The following EYA3 variants were observed in gnomAD, a reference collection of about 807,000 sequenced individuals.
EYA3 encodes EYA transcriptional coactivator and phosphatase 3.
Under a neutral mutation model 80.0 loss-of-function variants are expected in EYA3, and 39 were observed. The observed-to-expected ratio is 0.49, with a 90% CI of 0.38 to 0.64. The LOEUF (loss-of-function observed/expected upper bound fraction) is 0.64. Among genes scored for constraint, EYA3 ranks in the 30% least tolerant of loss-of-function variants. The pLI is 0.00. For synonymous variants in EYA3, 206 were observed against 232.8 expected, an observed-to-expected ratio of 0.88 and a Z score of 1.05; for missense variants, 523 against 676.1, an observed-to-expected ratio of 0.77 and a Z score of 2.51.
chr1:28,060,621 G>A (rs1571922199), intron 1 of EYA3, among the ~76,000 whole-genome samples: 1 of 152,152 alleles, frequency 6.6e-6, no homozygotes, highest in African/African-American at 2.4e-5. Context: ...TCTATTCTGT[G>A]AAAATAAGCA....
Position 27,997,344 on chromosome 1 carries a change from G to T in EYA3, c.1118C>A (p.Ser373Tyr). Residue 373 changes from serine to tyrosine, a missense_variant, in exon 13 of 18, where the codon TCT becomes TAT. Coordinates refer to ENST00000373871, the MANE Select transcript of EYA3 (RefSeq NM_001990.4). The part of the protein sequence containing the change: ...CDQVHVEDVA[S>Y]DDNGQDLSNY... ...CCTCAAGTCTTGGCCATTGTCATCA[G>T]AAGCCACATCTTCCACATGTACCTG... 2 of 1,614,002 alleles carry T rather than the reference G, an allele frequency of 1.2e-6. No individual in the cohort carries two copies. Among genetic ancestry groups the T allele is most frequent in the East Asian group, 4.5e-5 (2 of 44,894 alleles).
intron 8 of EYA3, among the ~76,000 whole-genome samples, chr1:28,015,766 G>C (rs931710792): frequency 2.0e-5 from 3 of 152,192 alleles, no homozygotes; most frequent in African/African-American, 7.2e-5. Flanking sequence ...CAAAGATTTT[G>C]AGAAATGACC....
rs867050475 is a variant in EYA3, at chr1:27,972,010, A to C, written c.*2456T>G. The C allele has an allele frequency of 6.6e-6, 1 of 152,262 alleles. No individual in the cohort carries two copies. Among genetic ancestry groups the C allele is most frequent in the Non-Finnish European group, 1.5e-5 (1 of 68,060 alleles). The allele number at this position is 152,262 out of a possible 1,614,324, so 9.4% of individuals were successfully genotyped here. A position where few individuals can be genotyped will look rare whatever the true frequency, so the allele number is the denominator to read the frequency against. ...GGAAAGAGCTAAGCTAGGAAGTCAG[A>C]GTAAGAGGAAAAAGGCCAATGATAA... On this transcript the variant is annotated 3_prime_UTR_variant, in exon 18 of 18. Coordinates refer to ENST00000373871, the MANE Select transcript of EYA3 (RefSeq NM_001990.4).
At chr1:28,005,543 G>A (rs112706881) in intron 10 of EYA3, among the ~76,000 whole-genome samples, 3,796 of 151,942 alleles carry the variant, frequency 0.025, 95 homozygotes, top group African/African-American at 0.063. Context: ...GCAAAACACC[G>A]TCTCTACAAA....
chr1:28,001,946 G>A (rs1396063487), intron 11 of EYA3, among the ~76,000 whole-genome samples: 4 of 146,250 alleles, frequency 2.7e-5, no homozygotes, highest in Admixed American at 6.8e-5. Flanking sequence ...ACGGAATTTC[G>A]CTCTTGTTGC....
At position 28,041,147 on chromosome 1, in the gene EYA3, T is replaced by C. The variant is rs548943551; in HGVS notation, c.157+1424A>G. Reference sequence around the variant, plus strand: ...GGGAGGCTGAGGCCGGCAGATCACTTGAGGTCAAGAGTTCGAGACCAGCCT... The same window carrying C: ...GGGAGGCTGAGGCCGGCAGATCACTCGAGGTCAAGAGTTCGAGACCAGCCT... On this transcript the variant is annotated intron_variant, in intron 4 of 17. Transcript: ENST00000373871. Among the ~76,000 whole-genome samples, 11 of 152,242 alleles carry C rather than the reference T, an allele frequency of 7.2e-5. No individual in the cohort carries two copies. In the South Asian group the frequency reaches 2.1e-3, roughly 29 times the overall value.
chr1:27,988,215 G>A (rs1356124774), intron 16 of EYA3, among the ~76,000 whole-genome samples: 1 of 152,074 alleles, frequency 6.6e-6, no homozygotes, highest in Admixed American at 6.5e-5. Flanking sequence ...TTAACCTAGT[G>A]CTTTTTCTAT....
intron 1 of EYA3, among the ~76,000 whole-genome samples, chr1:28,063,953 AC>A (rs1279717446): frequency 2.0e-5 from 3 of 151,834 alleles, no homozygotes; most frequent in African/African-American, 7.3e-5. Flanking sequence ...AACATTTTTC[AC>A]CCACACATTT....
intron 2 of EYA3, 30 bp from the exon 3 acceptor site, chr1:28,048,456 T>A: frequency 6.3e-7 from 1 of 1,581,320 alleles, no homozygotes; most frequent in South Asian, 1.1e-5. Context: ...AAGGTATCAA[T>A]GTACTTGATC....
chr1:28,017,800 T>C (rs1024623348), intron 7 of EYA3, among the ~76,000 whole-genome samples: 5 of 152,170 alleles, frequency 3.3e-5, no homozygotes, highest in African/African-American at 1.2e-4. Context: ...CACAATGACA[T>C]AGCATTTAGA....
intron 10 of EYA3, among the ~76,000 whole-genome samples, chr1:28,005,520 C>T (rs1262831172): frequency 6.6e-6 from 1 of 152,074 alleles, no homozygotes; most frequent in Non-Finnish European, 1.5e-5. Flanking sequence ...TTGAGACCAG[C>T]CTGGACAACA....
At chr1:28,087,982 T>C (rs2148972807) in intron 1 of EYA3, among the ~76,000 whole-genome samples, 1 of 152,186 alleles carries the variant, frequency 6.6e-6, no homozygotes, top group Non-Finnish European at 1.5e-5. Flanking sequence ...CTCCTCTAGC[T>C]AAGGACAGGC....
At chr1:28,038,687 T>C in intron 5 of EYA3, 152 bp downstream of exon 5, 1 of 481,548 alleles carries the variant, frequency 2.1e-6, no homozygotes, top group Non-Finnish European at 3.6e-6. Context: ...ACATAGACTA[T>C]ATTTAGAGGG....
chr1:27,988,499 C>A (rs199803908), intron 16 of EYA3, 36 bp downstream of exon 16: 2 of 1,602,552 alleles, frequency 1.2e-6, no homozygotes, highest in Non-Finnish European at 1.7e-6. Context: ...AGTTTTATTG[C>A]AAGGCCAGTG....
At chr1:27,985,377 C>A (rs1238245469) in intron 16 of EYA3, among the ~76,000 whole-genome samples, 6 of 152,122 alleles carry the variant, frequency 3.9e-5, no homozygotes, top group Admixed American at 3.9e-4. Flanking sequence ...CTGTACCTGG[C>A]CCTTGGGTCT....
Position 27,989,830 on chromosome 1 carries a change from A to G in EYA3, c.1304-19T>C, listed in dbSNP as rs1639912404. On this transcript the variant is annotated intron_variant, in intron 14 of 17. Transcript: ENST00000373871. ...AGGAGACCTTTAGGAATAAAAGCAG[A>G]CACATTTATCATTTGACAACATATA... 6.7e-7 allele frequency: 1 copy of G among 1,493,898 alleles called. No homozygotes were observed. Among genetic ancestry groups the G allele is most frequent in the Non-Finnish European group, 9.2e-7 (1 of 1,087,888 alleles). The allele number at this position is 1,493,898 out of a possible 1,614,324, so 92.5% of individuals were successfully genotyped here. A position where few individuals can be genotyped will look rare whatever the true frequency, so the allele number is the denominator to read the frequency against.
intron 11 of EYA3, among the ~76,000 whole-genome samples, chr1:28,003,394 G>A (rs563125152): frequency 2.6e-5 from 4 of 152,092 alleles, no homozygotes; most frequent in Non-Finnish European, 4.4e-5. Context: ...ATTTGAACCC[G>A]AGAGGCAGAG....
chr1:28,000,563 C>T (rs1267612179), intron 11 of EYA3, among the ~76,000 whole-genome samples: 17 of 152,074 alleles, frequency 1.1e-4, no homozygotes, highest in African/African-American at 3.1e-4. Context: ...CCACCCCCGT[C>T]GGCCTCCCAA....
At chr1:28,030,903 C>T (rs1316443307) in intron 6 of EYA3, among the ~76,000 whole-genome samples, 9 of 152,146 alleles carry the variant, frequency 5.9e-5, no homozygotes, top group Admixed American at 5.9e-4. Context: ...AAACAAATTG[C>T]TATTTCAATG....
Sources: gnomAD v4.1 joint callset for allele counts (sites outside exome capture counted in the v4.1 genomes callset) on GRCh38, gnomAD v4.1.1 for gene constraint, MANE v1.5 for transcripts, NCBI Gene and HGNC (gene_info 2026-07-23, HGNC 2026-07-21) for gene names.